Variants in KCNN2 observed in about 807,000 individuals in gnomAD.
KCNN2 encodes the protein potassium calcium-activated channel subfamily N member 2.
In KCNN2, 24 loss-of-function variants were observed where a neutral mutation model predicts 55.5. The ratio of observed to expected loss-of-function variants is 0.43; its 90% CI spans 0.31 to 0.61. KCNN2 has a LOEUF of 0.61. KCNN2 is among the 20% of genes least tolerant of loss of function. KCNN2 has a pLI of 0.08. For missense variants in KCNN2, 754 were observed against 853.6 expected (o/e 0.88, Z 1.45); for synonymous variants, 431 against 336.1 (o/e 1.28, Z -3.09).
At chr5:114,321,613 T>C (rs2150029664) in intron 2 of KCNN2, among the ~76,000 whole-genome samples, 1 of 152,212 alleles carries the variant, frequency 6.6e-6, no homozygotes, top group South Asian at 2.1e-4. Flanking sequence ...TCTTGCCATC[T>C]CTTACATCAG....
chr5:114,376,320 C>T (rs376810930), intron 2 of KCNN2, among the ~76,000 whole-genome samples: 1 of 152,152 alleles, frequency 6.6e-6, no homozygotes, highest in South Asian at 2.1e-4. Flanking sequence ...GCACAGAGAC[C>T]ACACGGAACA....
At chr5:114,284,856 G>C (rs113554860) in intron 2 of KCNN2, among the ~76,000 whole-genome samples, 57 of 152,064 alleles carry the variant, frequency 3.7e-4, no homozygotes, top group Middle Eastern at 3.4e-3. Flanking sequence ...CTTCACCACT[G>C]TACGGGTGAA....
At chr5:114,445,874 A>G (rs1760385560) in intron 3 of KCNN2, among the ~76,000 whole-genome samples, 1 of 152,222 alleles carries the variant, frequency 6.6e-6, no homozygotes, top group African/African-American at 2.4e-5. Flanking sequence ...TCTACCCTGC[A>G]GTAACCTTTT....
At chr5:114,438,963 G>C (rs780740300) in intron 3 of KCNN2, among the ~76,000 whole-genome samples, 1 of 152,160 alleles carries the variant, frequency 6.6e-6, no homozygotes, top group Non-Finnish European at 1.5e-5. Flanking sequence ...TGTTAATAGA[G>C]TGTAATTACA....
intron 2 of KCNN2, among the ~76,000 whole-genome samples, chr5:114,283,411 T>G (rs1755665147): frequency 6.6e-6 from 1 of 152,208 alleles, no homozygotes; most frequent in African/African-American, 2.4e-5. Context: ...AGTATCACAT[T>G]TTACTTTTTC....
chr5:114,280,758 C>G (rs901113390), intron 2 of KCNN2, among the ~76,000 whole-genome samples: 3 of 152,024 alleles, frequency 2.0e-5, no homozygotes, highest in East Asian at 3.9e-4. Flanking sequence ...TCAGAGTGAC[C>G]CTTTTAAATG....
At chr5:114,479,225 A>AT (rs1282707167) in intron 5 of KCNN2, among the ~76,000 whole-genome samples, 1 of 62,008 alleles carries the variant, frequency 1.6e-5, no homozygotes. Flanking sequence ...AATGAAAACT[A>AT]TAAAAAAAAA....
At chr5:114,286,887 C>T (rs553944228) in intron 2 of KCNN2, among the ~76,000 whole-genome samples, 5 of 152,222 alleles carry the variant, frequency 3.3e-5, no homozygotes, top group South Asian at 2.1e-4. Context: ...ACTATCATGA[C>T]GGAAGTGTCT....
At chr5:114,459,647 C>T (rs375880734) in intron 3 of KCNN2, among the ~76,000 whole-genome samples, 142 of 152,182 alleles carry the variant, frequency 9.3e-4, no homozygotes, top group South Asian at 6.2e-3. Flanking sequence ...TGTCTGAGTG[C>T]AACATAAACA....
At chr5:114,195,692 C>G (rs1244671391) in intron 1 of KCNN2, among the ~76,000 whole-genome samples, 1 of 151,938 alleles carries the variant, frequency 6.6e-6, no homozygotes, top group Non-Finnish European at 1.5e-5. Flanking sequence ...TGGCTAATTA[C>G]TATGTCTTGC....
At chr5:114,239,899 T>C (rs976722292) in intron 2 of KCNN2, among the ~76,000 whole-genome samples, 1 of 152,152 alleles carries the variant, frequency 6.6e-6, no homozygotes, top group Admixed American at 6.5e-5. Context: ...GCAATTAGAA[T>C]CTAAAAATTT....
intron 5 of KCNN2, among the ~76,000 whole-genome samples, chr5:114,479,303 TA>T (rs978909269): frequency 6.7e-6 from 1 of 150,306 alleles, no homozygotes; most frequent in African/African-American, 2.4e-5. Context: ...CAACAAAGAT[TA>T]AAAAAAGATG....
chr5:114,223,538 G>A (rs1754186084), intron 2 of KCNN2, among the ~76,000 whole-genome samples: 1 of 152,114 alleles, frequency 6.6e-6, no homozygotes, highest in Non-Finnish European at 1.5e-5. Context: ...GACATGCACA[G>A]ACAGCCAAAA....
intron 2 of KCNN2, among the ~76,000 whole-genome samples, chr5:114,271,622 A>C (rs1056482400): frequency 1.3e-5 from 2 of 152,180 alleles, no homozygotes; most frequent in African/African-American, 4.8e-5. Flanking sequence ...GTCATCTGTC[A>C]TGTTTGTTTA....
chr5:114,423,895 G>C (rs1458548223), intron 3 of KCNN2, among the ~76,000 whole-genome samples: 3 of 152,126 alleles, frequency 2.0e-5, no homozygotes, highest in Non-Finnish European at 2.9e-5. Flanking sequence ...AGAAGGAACA[G>C]CATAAATACA....
intron 2 of KCNN2, among the ~76,000 whole-genome samples, chr5:114,223,406 C>G (rs1248163884): frequency 6.6e-6 from 1 of 152,094 alleles, no homozygotes; most frequent in Non-Finnish European, 1.5e-5. Context: ...GAAGGAGACC[C>G]ATATCTGTTT....
chr5:114,221,556 A>T (rs1237280650), exon 2 of KCNN2, among the ~76,000 whole-genome samples: 1 of 152,216 alleles, frequency 6.6e-6, no homozygotes, highest in East Asian at 1.9e-4. Flanking sequence ...GTGGGATATA[A>T]GCAATAACAG....
At chr5:114,090,632 G>A (rs1438732685) in intron 1 of KCNN2, among the ~76,000 whole-genome samples, 1 of 150,772 alleles carries the variant, frequency 6.6e-6, no homozygotes, top group African/African-American at 2.4e-5. Flanking sequence ...ATACATCATT[G>A]AATATAGATA....
chr5:114,379,642 A>C (rs1329704191), intron 2 of KCNN2, among the ~76,000 whole-genome samples: 2 of 88,408 alleles, frequency 2.3e-5, no homozygotes, highest in African/African-American at 1.3e-4. Context: ...TATTTGTAGA[A>C]TATATTATAT....
Sources: gnomAD v4.1 joint callset for allele counts (sites outside exome capture counted in the v4.1 genomes callset) on GRCh38, gnomAD v4.1.1 for gene constraint, MANE v1.5 for transcripts, NCBI Gene and HGNC (gene_info 2026-07-23, HGNC 2026-07-21) for gene names.